ADGRD1: variants seen among roughly 807,000 people sequenced by gnomAD.
The protein encoded by ADGRD1 is adhesion G protein-coupled receptor D1.
Under a neutral mutation model 113.4 loss-of-function variants are expected in ADGRD1, and 77 were observed. That is an observed-to-expected ratio of 0.68 (90% CI 0.57 to 0.82). The LOEUF is 0.82. Ranked by LOEUF, ADGRD1 falls within the 40% of genes least tolerant of loss-of-function variation. ADGRD1 has a pLI of 0.00. For synonymous variants in ADGRD1, 474 were observed against 475.0 expected, an observed-to-expected ratio of 1.00 and a Z score of 0.03; for missense variants, 1,036 against 1,139.1, an observed-to-expected ratio of 0.91 and a Z score of 1.30.
chr12:131,076,496 C>T (rs886824349), intron 13 of ADGRD1, among the ~76,000 whole-genome samples: 1 of 151,904 alleles, frequency 6.6e-6, no homozygotes, highest in African/African-American at 2.4e-5. Flanking sequence ...GGGGAGGGAG[C>T]CTGTGGCTGC....
chr12:130,977,851 C>G (rs1451176376), intron 4 of ADGRD1: 1 of 152,398 alleles, frequency 6.6e-6, no homozygotes. Flanking sequence ...GTTGATCATG[C>G]TCTTGCAGGG....
intron 3 of ADGRD1, chr12:130,968,843 G>A (rs1409760652): frequency 1.1e-5 from 7 of 621,264 alleles, no homozygotes; most frequent in African/African-American, 1.8e-5. Flanking sequence ...TGTGAGGTCC[G>A]AAGAGAAAGT....
chr12:131,060,152 G>T lies in ADGRD1; in HGVS notation c.1474-16649G>T, dbSNP rs533369728. ...CCGCATGGCTACTGGGTTCCCCCAG[G>T]GCTCTGCTGATGCCCCGCATTGCTT... is the stretch of plus-strand genomic sequence containing the variant. On this transcript the variant is annotated intron_variant, in intron 13 of 24. Transcript: ENST00000261654. The surrounding 1 kb of genome is among the most constrained non-coding windows in gnomAD (Gnocchi z 4.4). Among the ~76,000 whole-genome samples the T allele has an allele frequency of 6.6e-6, 1 of 152,318 alleles. No homozygotes were observed. Among genetic ancestry groups the T allele is most frequent in the South Asian group, 2.1e-4 (1 of 4,826 alleles).
intron 13 of ADGRD1, among the ~76,000 whole-genome samples, chr12:131,054,256 C>T (rs1202201097): frequency 6.6e-6 from 1 of 152,242 alleles, no homozygotes; most frequent in African/African-American, 2.4e-5. Flanking sequence ...CCTGGGTCCC[C>T]TTTGTAATCC....
chr12:130,976,301 C>T (rs1283153557), intron 4 of ADGRD1, among the ~76,000 whole-genome samples: 2 of 152,120 alleles, frequency 1.3e-5, no homozygotes, highest in African/African-American at 4.8e-5. Context: ...AGCATTCATT[C>T]AGCACACTCC....
At chr12:130,963,291 G>A (rs1219216933) in intron 2 of ADGRD1, among the ~76,000 whole-genome samples, 4 of 124,298 alleles carry the variant, frequency 3.2e-5, no homozygotes, top group African/African-American at 1.3e-4. Flanking sequence ...CTGCACTCCA[G>A]CCTGGGCGAC....
chr12:131,063,522 A>C (rs1243002390), intron 13 of ADGRD1, among the ~76,000 whole-genome samples: 2 of 151,932 alleles, frequency 1.3e-5, no homozygotes, highest in African/African-American at 4.8e-5. Flanking sequence ...GGGGAAAAAA[A>C]CTCTCCTTCC....
intron 20 of ADGRD1, among the ~76,000 whole-genome samples, chr12:131,130,498 C>G (rs1485036333): frequency 6.6e-6 from 1 of 152,226 alleles, no homozygotes; most frequent in East Asian, 1.9e-4. Flanking sequence ...CAGGGCCGGT[C>G]TCCTGCTGAG....
intron 13 of ADGRD1, among the ~76,000 whole-genome samples, chr12:131,047,590 G>A (rs1461407627): frequency 2.0e-5 from 3 of 152,180 alleles, no homozygotes; most frequent in African/African-American, 7.2e-5. Flanking sequence ...GTGAGCTCAC[G>A]TGGGGACACT....
rs1272889836 is a variant in ADGRD1, at chr12:131,101,373, CTTTCTTT to C, written c.1672-3454_1672-3448del. Among the ~76,000 whole-genome samples the C allele has an allele frequency of 7.3e-3, 582 of 79,256 alleles. 13 individuals are homozygous for C. The highest frequency in any genetic ancestry group is 0.027 in the African/African-American group (499 of 18,488). 52.0% of individuals were successfully genotyped at this position (79,256 alleles called of 152,430 possible). A position where few individuals can be genotyped will look rare whatever the true frequency, so the allele number is the denominator to read the frequency against. On this transcript the variant is annotated intron_variant, in intron 15 of 24. Transcript: ENST00000261654. ...TCTTTTATTTTTTTTCTTTTTCTTT[CTTTCTTT>C]TTTTTTTTTTTTTTTTTTTTTTTTG... is the stretch of plus-strand genomic sequence containing the variant.
rs1885560662 is a variant in ADGRD1 at position 131,075,850 on chromosome 12, T to C, written c.1474-951T>C. On this transcript the variant is annotated intron_variant, in intron 13 of 24. Coordinates refer to ENST00000261654, the MANE Select transcript of ADGRD1 (RefSeq NM_198827.5). This position sits in a 1 kb window ranked among gnomAD's most constrained non-coding sequence, Gnocchi z 5.3. ...AGGGTCTCATTGGAGCAATGATGGCTCAGGAATGGGTCACAGAACAGAGCA... is the reference window on the plus strand; with the variant it reads ...AGGGTCTCATTGGAGCAATGATGGCCCAGGAATGGGTCACAGAACAGAGCA... 6.6e-6 allele frequency among the ~76,000 whole-genome samples: 1 copy of C among 152,166 alleles called. No individual in the cohort carries two copies. The highest frequency in any genetic ancestry group is 6.5e-5 in the Admixed American group (1 of 15,288).
Position 131,120,842 on chromosome 12 carries a change from C to T in ADGRD1, c.2109-5C>T, listed in dbSNP as rs759973044. On this transcript the variant is annotated splice_polypyrimidine_tract_variant and splice_region_variant and intron_variant, in intron 19 of 24. Coordinates refer to ENST00000261654, the MANE Select transcript of ADGRD1 (RefSeq NM_198827.5). ...TTGAAGTAACGGCTCTGCTTCCCTC[C>T]GCAGTTGCTGGCTGTCGTTGGCGAG... 3.1e-6 allele frequency: 5 copies of T among 1,614,176 alleles called. No homozygotes were observed. Among genetic ancestry groups the T allele is most frequent in the South Asian group, 1.1e-5 (1 of 91,086 alleles).
intron 2 of ADGRD1, among the ~76,000 whole-genome samples, chr12:130,964,672 C>G (rs1400217903): frequency 6.6e-6 from 1 of 152,068 alleles, no homozygotes; most frequent in Non-Finnish European, 1.5e-5. Context: ...GCAACAACAG[C>G]GAAGCTCTAT....
chr12:131,102,168 C>T (rs1950102747), intron 15 of ADGRD1, among the ~76,000 whole-genome samples: 2 of 152,158 alleles, frequency 1.3e-5, no homozygotes, highest in South Asian at 2.1e-4. Flanking sequence ...GGACAATTTG[C>T]TAATAATGTC....
At chr12:130,997,339 CG>C (rs1875673532) in intron 8 of ADGRD1, among the ~76,000 whole-genome samples, 2 of 149,866 alleles carry the variant, frequency 1.3e-5, no homozygotes, top group African/African-American at 4.9e-5. Flanking sequence ...GGGTGGCTGC[CG>C]GGCGGAGACG....
intron 20 of ADGRD1, among the ~76,000 whole-genome samples, chr12:131,122,192 G>T (rs999482031): frequency 6.6e-6 from 1 of 152,158 alleles, no homozygotes; most frequent in South Asian, 2.1e-4. Flanking sequence ...GGGCGTCAGG[G>T]GCCCAGGGGT....
intron 11 of ADGRD1, 96 bp downstream of exon 11, chr12:131,004,392 G>GCTGCGGTGCTCCTCCGGGCCGC: frequency 1.3e-6 from 1 of 790,718 alleles, no homozygotes; most frequent in South Asian, 1.5e-5. Context: ...GCGCCAGGGA[G>GCTGCGGTGCTCCTCCGGGCCGC]CTGCGGTGCT....
chr12:131,118,895 G>A (rs1437739204), intron 19 of ADGRD1, among the ~76,000 whole-genome samples: 1 of 152,176 alleles, frequency 6.6e-6, no homozygotes, highest in African/African-American at 2.4e-5. Context: ...GGGGCCTGCT[G>A]TGCACCAGGC....
At chr12:130,969,041 T>C (rs1487218335) in intron 3 of ADGRD1, 1 of 1,532,696 alleles carries the variant, frequency 6.5e-7, no homozygotes, top group East Asian at 2.4e-5. Flanking sequence ...ATTCCAATGA[T>C]TCTGCCTACT....
Sources: allele counts gnomAD v4.1 joint callset (sites outside exome capture counted in the v4.1 genomes callset), GRCh38; gene constraint gnomAD v4.1.1; non-coding constraint Gnocchi (gnomAD v3.1); transcripts MANE v1.5; gene names NCBI Gene and HGNC (gene_info 2026-07-23, HGNC 2026-07-21).